The following AHRR variants were observed in gnomAD, a reference collection of about 807,000 sequenced individuals.
AHRR encodes the protein ahR repressor.
AHRR carries 28 observed loss-of-function variants against 44.0 expected under a neutral mutation model. The ratio of observed to expected loss-of-function variants is 0.64; its 90% CI spans 0.47 to 0.87. The LOEUF (loss-of-function observed/expected upper bound fraction) is 0.87. Ranked by LOEUF, AHRR falls within the 40% of genes least tolerant of loss-of-function variation. The pLI is 0.00. For synonymous variants in AHRR, 434 were observed against 407.0 expected, an observed-to-expected ratio of 1.07 and a Z score of -0.80; for missense variants, 990 against 953.9, an observed-to-expected ratio of 1.04 and a Z score of -0.50.
chr5:378,868 G>C (rs1021682235), intron 4 of AHRR, among the ~76,000 whole-genome samples: 5 of 152,240 alleles, frequency 3.3e-5, no homozygotes, highest in Non-Finnish European at 7.3e-5. Context: ...GACTGCTTAA[G>C]TTCAGCTAGA....
Position 330,843 on chromosome 5 carries a change from T to G in AHRR, c.-11+9024T>G, listed in dbSNP as rs533980527. ...TTCAGGAAGATTGGTCTTAGTTCTTTTTTTGCATGTTTGGTATAATTCAGC... is the reference window on the plus strand; with the variant it reads ...TTCAGGAAGATTGGTCTTAGTTCTTGTTTTGCATGTTTGGTATAATTCAGC... On this transcript the variant is annotated intron_variant, in intron 1 of 10. Coordinates refer to ENST00000684583, the MANE Select transcript of AHRR (RefSeq NM_001377236.1). Among the ~76,000 whole-genome samples the G allele has an allele frequency of 2.3e-4, 35 of 151,904 alleles. No individual in the cohort carries two copies. The South Asian group carries it at 7.3e-3, about 32-fold the overall frequency.
chr5:346,042 C>CA (rs1386064490), intron 2 of AHRR, among the ~76,000 whole-genome samples: 5 of 152,284 alleles, frequency 3.3e-5, no homozygotes, highest in Middle Eastern at 3.4e-3. Context: ...CAGCGGTGAG[C>CA]ACATGCGCAA....
chr5:384,369 C>T (rs115880721), intron 4 of AHRR, among the ~76,000 whole-genome samples: 8 of 152,158 alleles, frequency 5.3e-5, no homozygotes, highest in Non-Finnish European at 8.8e-5. Context: ...AATCCTCTTA[C>T]ACTTTTGCTT....
At chr5:376,559 T>TGAATGAATGAGAACCGTGGGGGGAACGC in intron 3 of AHRR, 51 bp from the exon 4 acceptor site, 1 of 241,106 alleles carries the variant, frequency 4.1e-6, no homozygotes, top group Non-Finnish European at 7.4e-6. Flanking sequence ...TGAAGAAGAG[T>TGAATGAATGAGAACCGTGGGGGGAACGC]GGCCAGGCCA....
chr5:371,390 T>G (rs1743576837), intron 3 of AHRR, among the ~76,000 whole-genome samples: 1 of 152,238 alleles, frequency 6.6e-6, no homozygotes, highest in Non-Finnish European at 1.5e-5. Context: ...CGGCTGTGAC[T>G]GCCAACAGTA....
At chr5:386,769 G>A (rs547362660) in intron 4 of AHRR, among the ~76,000 whole-genome samples, 15 of 152,260 alleles carry the variant, frequency 9.9e-5, no homozygotes, top group Middle Eastern at 3.4e-3. Context: ...ACGTCATCCC[G>A]GACACTTTTC....
intron 8 of AHRR, among the ~76,000 whole-genome samples, chr5:429,648 C>T (rs555991778): frequency 1.4e-4 from 22 of 152,374 alleles, no homozygotes; most frequent in Non-Finnish European, 2.6e-4. Context: ...ATCCTGCAGC[C>T]GCCACTGGGC....
At chr5:420,271 T>C (rs1231242247) in intron 5 of AHRR, among the ~76,000 whole-genome samples, 1 of 152,196 alleles carries the variant, frequency 6.6e-6, no homozygotes, top group East Asian at 1.9e-4. Flanking sequence ...TAGAACAGGA[T>C]GGGATGGAAG....
chr5:414,036 G>A (rs1375779207), intron 5 of AHRR, among the ~76,000 whole-genome samples: 3 of 152,164 alleles, frequency 2.0e-5, no homozygotes, highest in African/African-American at 4.8e-5. Flanking sequence ...AGGCCGAGGC[G>A]GGTGGATCAC....
At chr5:394,937 G>A (rs1018574338) in intron 4 of AHRR, among the ~76,000 whole-genome samples, 21 of 152,322 alleles carry the variant, frequency 1.4e-4, no homozygotes, top group Admixed American at 5.2e-4. Context: ...CTGGCGGTGC[G>A]GCCGTGTCAA....
At chr5:354,889 C>T (rs1279170085) in intron 3 of AHRR, among the ~76,000 whole-genome samples, 1 of 152,182 alleles carries the variant, frequency 6.6e-6, no homozygotes. Context: ...GGACGTGGCC[C>T]ATGGGCTGCG....
chr5:392,961 G>A (rs1253818057), intron 4 of AHRR, among the ~76,000 whole-genome samples: 9 of 152,090 alleles, frequency 5.9e-5, no homozygotes, highest in South Asian at 2.1e-4. Context: ...ACCAAGCGCC[G>A]TCTTTCACTG....
chr5:349,278 G>T (rs1742779635), intron 2 of AHRR, among the ~76,000 whole-genome samples: 1 of 152,152 alleles, frequency 6.6e-6, no homozygotes, highest in African/African-American at 2.4e-5. Context: ...ACTTTCAAAA[G>T]ACATTTGAAA....
intron 1 of AHRR, among the ~76,000 whole-genome samples, chr5:329,248 G>C (rs182592756): frequency 6.6e-6 from 1 of 152,096 alleles, no homozygotes; most frequent in Admixed American, 6.5e-5. Context: ...TGTCACCCAG[G>C]CTAGAGTGCA....
In AHRR at chr5:428,938, G is replaced by A. The variant is rs565334422; in HGVS notation, c.908+932G>A. Reference sequence around the variant, plus strand: ...CAGTGGAGCTCTGGCGGTCACGCGAGCAGTGGGGAGTGGCTGTAAATATAG... The same window carrying A: ...CAGTGGAGCTCTGGCGGTCACGCGAACAGTGGGGAGTGGCTGTAAATATAG... On this transcript the variant is annotated intron_variant, in intron 8 of 10. Coordinates refer to ENST00000684583, the MANE Select transcript of AHRR (RefSeq NM_001377236.1). Among the ~76,000 whole-genome samples the A allele has an allele frequency of 4.6e-5, 7 of 152,342 alleles. No individual in the cohort carries two copies. In the South Asian group the frequency reaches 1.4e-3, roughly 32 times the overall value.
At chr5:413,839 AGTGG>A (rs1735580073) in intron 5 of AHRR, among the ~76,000 whole-genome samples, 1 of 152,204 alleles carries the variant, frequency 6.6e-6, no homozygotes, top group Non-Finnish European at 1.5e-5. Context: ...CTGACGTGCG[AGTGG>A]TTCATTTGGA....
intron 4 of AHRR, among the ~76,000 whole-genome samples, chr5:394,876 T>C (rs540837314): frequency 6.6e-6 from 1 of 152,196 alleles, no homozygotes; most frequent in South Asian, 2.1e-4. Context: ...TTGCCCCGAG[T>C]CCTCCCCAGC....
intron 1 of AHRR, among the ~76,000 whole-genome samples, chr5:327,968 T>C (rs1384834174): frequency 1.3e-5 from 2 of 152,164 alleles, no homozygotes; most frequent in Non-Finnish European, 2.9e-5. Flanking sequence ...CAGAGTGTGA[T>C]GTTCCCCTCC....
intron 4 of AHRR, among the ~76,000 whole-genome samples, chr5:391,453 GCAGGGCCAGAGCGTGCA>G (rs1734446602): frequency 9.1e-6 from 1 of 109,846 alleles, no homozygotes; most frequent in Non-Finnish European, 1.7e-5. Flanking sequence ...GCAGGGCGAG[GCAGGGCCAGAGCGTGCA>G]CGGGGGCAGG....
Sources: gnomAD v4.1 joint callset for allele counts (sites outside exome capture counted in the v4.1 genomes callset) on GRCh38, gnomAD v4.1.1 for gene constraint, MANE v1.5 for transcripts, NCBI Gene and HGNC (gene_info 2026-07-23, HGNC 2026-07-21) for gene names.